The following CNTNAP5 variants were observed in gnomAD, a reference collection of about 807,000 sequenced individuals.
CNTNAP5 encodes the protein contactin-associated protein-like 5.
A neutral mutation model predicts 150.2 loss-of-function variants in CNTNAP5; 72 were observed. That is an observed-to-expected ratio of 0.48 (90% CI 0.40 to 0.58). The LOEUF (loss-of-function observed/expected upper bound fraction) is 0.58, where lower values mean the gene tolerates loss of function less well. CNTNAP5 is among the 20% of genes least tolerant of loss of function. The pLI, the probability that CNTNAP5 is intolerant of heterozygous loss-of-function variation, is 0.00. For missense variants in CNTNAP5, 1,636 were observed against 1,626.2 expected (o/e 1.01, Z -0.10); for synonymous variants, 672 against 619.8 (o/e 1.08, Z -1.25).
intron 1 of CNTNAP5, among the ~76,000 whole-genome samples, chr2:124,107,503 T>C (rs1262985639): frequency 1.3e-5 from 2 of 152,228 alleles, no homozygotes; most frequent in African/African-American, 2.4e-5. Flanking sequence ...ACATACAGTA[T>C]AGAGTTTAGA....
chr2:124,382,463 T>C (rs1690820374), intron 3 of CNTNAP5, among the ~76,000 whole-genome samples: 1 of 152,120 alleles, frequency 6.6e-6, no homozygotes, highest in Admixed American at 6.5e-5. Context: ...TGGGTGGTTT[T>C]AAAAATCTGA....
chr2:124,453,229 C>G (rs1004647636), intron 6 of CNTNAP5, among the ~76,000 whole-genome samples: 2 of 152,054 alleles, frequency 1.3e-5, no homozygotes, highest in African/African-American at 4.8e-5. Flanking sequence ...TAAAGAAATG[C>G]AAAATGCTCT....
chr2:124,260,050 G>T (rs779282505), intron 3 of CNTNAP5, among the ~76,000 whole-genome samples: 3 of 152,036 alleles, frequency 2.0e-5, no homozygotes, highest in African/African-American at 4.8e-5. Flanking sequence ...AAAAGAGCCC[G>T]CATTGCCAAG....
intron 1 of CNTNAP5, among the ~76,000 whole-genome samples, chr2:124,200,941 A>C (rs1685713451): frequency 6.6e-6 from 1 of 152,160 alleles, no homozygotes; most frequent in East Asian, 1.9e-4. Flanking sequence ...CACCTCTAAG[A>C]CCCATATGTC....
At chr2:124,284,768 C>T (rs1688104456) in intron 3 of CNTNAP5, among the ~76,000 whole-genome samples, 1 of 152,128 alleles carries the variant, frequency 6.6e-6, no homozygotes, top group Non-Finnish European at 1.5e-5. Flanking sequence ...ACAGTGTCAT[C>T]AAGCTTTACA....
intron 12 of CNTNAP5, among the ~76,000 whole-genome samples, chr2:124,623,941 G>A (rs1354645255): frequency 6.6e-6 from 1 of 152,236 alleles, no homozygotes; most frequent in Admixed American, 6.5e-5. Context: ...ATTTTAGGCT[G>A]AAGAATAGTA....
rs143906961 is a variant in CNTNAP5, at chr2:124,204,305, C to T, written c.83-17400C>T. On this transcript the variant is annotated intron_variant, in intron 1 of 23. Transcript: ENST00000682447. ...TCCTCATCTTCATCTGAGACCACCTCAGCCTGGACTTTAATGTCCATATCA... is the reference window on the plus strand; with the variant it reads ...TCCTCATCTTCATCTGAGACCACCTTAGCCTGGACTTTAATGTCCATATCA... Among the ~76,000 whole-genome samples, 1,183 of 152,294 alleles carry T rather than the reference C, an allele frequency of 7.8e-3. 15 individuals carry two copies. The highest frequency in any genetic ancestry group is 0.026 in the African/African-American group (1,096 of 41,562).
chr2:124,476,178 A>G (rs1316692323), intron 7 of CNTNAP5, among the ~76,000 whole-genome samples: 1 of 151,994 alleles, frequency 6.6e-6, no homozygotes, highest in Non-Finnish European at 1.5e-5. Flanking sequence ...TTATTTTACA[A>G]TTGTCTTAAT....
intron 6 of CNTNAP5, among the ~76,000 whole-genome samples, chr2:124,469,500 T>C (rs532154321): frequency 3.9e-5 from 6 of 152,258 alleles, no homozygotes; most frequent in African/African-American, 1.4e-4. Context: ...ATAACATATA[T>C]TTTTACATTA....
At chr2:124,746,990 A>G (rs1371731013) in intron 13 of CNTNAP5, among the ~76,000 whole-genome samples, 1 of 152,088 alleles carries the variant, frequency 6.6e-6, no homozygotes, top group South Asian at 2.1e-4. Flanking sequence ...ATATAGAAAG[A>G]GTGAGAAAGA....
At position 124,831,015 on chromosome 2, in the gene CNTNAP5, C is replaced by A. The variant is rs543576614; in HGVS notation, c.3217+32695C>A. Among the ~76,000 whole-genome samples, 4 of 152,090 alleles carry A rather than the reference C, an allele frequency of 2.6e-5. 1 individual carries two copies. Among genetic ancestry groups the A allele is most frequent in the African/African-American group, 9.6e-5 (4 of 41,554 alleles). ...TCTTGCAATTGCAGTAAGAGCAAAT[C>A]AGTATTTTTAGATAACCTTATTTTT... On this transcript the variant is annotated intron_variant, in intron 19 of 23. Coordinates refer to ENST00000682447, the MANE Select transcript of CNTNAP5 (RefSeq NM_001367498.1).
intron 17 of CNTNAP5, among the ~76,000 whole-genome samples, chr2:124,774,239 T>G (rs1681272809): frequency 6.6e-6 from 1 of 152,060 alleles, no homozygotes; most frequent in Non-Finnish European, 1.5e-5. Context: ...ACTCCCACAC[T>G]ACATAGCTTT....
At position 124,773,006 on chromosome 2, in the gene CNTNAP5, A is replaced by G; in HGVS notation, c.2741A>G (p.Gln914Arg). 3 of 1,612,766 alleles carry G rather than the reference A, an allele frequency of 1.9e-6. No individual in the cohort carries two copies. The highest frequency in any genetic ancestry group is 8.5e-7 in the Non-Finnish European group (1 of 1,179,560). The change falls in exon 17 of 24, where the codon CAG (glutamine) becomes CGG (arginine). Residue 914 changes from glutamine to arginine, a missense_variant. Physicochemically the swap from Gln to Arg is conservative, Grantham distance 43 (BLOSUM62 1). Coordinates refer to ENST00000682447, the MANE Select transcript of CNTNAP5 (RefSeq NM_001367498.1). Reference protein sequence around the residue: ...EGHFRLQLNSQLFVGGTSSRQ... With the variant: ...EGHFRLQLNSRLFVGGTSSRQ... ...CATTTTCGACTGCAGCTGAACAGCC[A>G]GTTGTTTGTAGGTAGGGGACATCTT... is the stretch of plus-strand genomic sequence containing the variant.
chr2:124,672,953 A>C lies in CNTNAP5; in HGVS notation c.2077+24995A>C, dbSNP rs377314141. Among the ~76,000 whole-genome samples the C allele has an allele frequency of 7.2e-5, 11 of 152,280 alleles. No individual in the cohort carries two copies. The East Asian group carries it at 7.7e-4, about 11-fold the overall frequency. On this transcript the variant is annotated intron_variant, in intron 13 of 23. Coordinates refer to ENST00000682447, the MANE Select transcript of CNTNAP5 (RefSeq NM_001367498.1). ...CAGAACTAGAAAATATTTCTGAAAA[A>C]AATTACCCAGAATGCATCACAGAGC... is the stretch of plus-strand genomic sequence containing the variant.
At chr2:124,748,052 A>G (rs1325657408) in intron 14 of CNTNAP5, among the ~76,000 whole-genome samples, 3 of 151,606 alleles carry the variant, frequency 2.0e-5, no homozygotes, top group South Asian at 2.1e-4. Context: ...TTTTGGGGGG[A>G]GAGAGTGAGA....
intron 12 of CNTNAP5, among the ~76,000 whole-genome samples, chr2:124,639,915 G>A (rs1678053784): frequency 6.6e-6 from 1 of 151,966 alleles, no homozygotes; most frequent in Non-Finnish European, 1.5e-5. Flanking sequence ...GGGGGGAATG[G>A]TATCTTGTTC....
chr2:124,128,229 A>G (rs577238468), intron 1 of CNTNAP5, among the ~76,000 whole-genome samples: 149 of 152,238 alleles, frequency 9.8e-4, no homozygotes, highest in African/African-American at 3.4e-3. Flanking sequence ...AAATCAAACA[A>G]TCCCATCAAA....
intron 11 of CNTNAP5, among the ~76,000 whole-genome samples, chr2:124,586,734 A>G (rs1388688270): frequency 6.6e-6 from 1 of 152,176 alleles, no homozygotes; most frequent in Non-Finnish European, 1.5e-5. Context: ...ATCAAGCTAG[A>G]AAGTTGCAAT....
chr2:124,244,846 A>G (rs1027888008), intron 3 of CNTNAP5, among the ~76,000 whole-genome samples: 1 of 152,172 alleles, frequency 6.6e-6, no homozygotes, highest in Non-Finnish European at 1.5e-5. Flanking sequence ...TTAAATTGTC[A>G]TTCTATAAAC....
Sources: allele counts gnomAD v4.1 joint callset (sites outside exome capture counted in the v4.1 genomes callset), GRCh38; gene constraint gnomAD v4.1.1; transcripts MANE v1.5; gene names NCBI Gene and HGNC (gene_info 2026-07-23, HGNC 2026-07-21).